The following EYS variants were observed in gnomAD, a reference collection of about 807,000 sequenced individuals.
The protein encoded by EYS is protein eyes shut homolog.
In EYS, 250 loss-of-function variants were observed where a neutral mutation model predicts 282.1. The ratio of observed to expected loss-of-function variants is 0.89; its 90% confidence interval spans 0.80 to 0.98. The LOEUF (loss-of-function observed/expected upper bound fraction) is 0.98, where lower values mean the gene tolerates loss of function less well. Ranked by LOEUF, EYS falls within the 50% of genes least tolerant of loss-of-function variation. EYS has a pLI of 0.00. For missense variants in EYS, 4,016 were observed against 3,709.0 expected (o/e 1.08, Z -2.15); for synonymous variants, 1,355 against 1,282.9 (o/e 1.06, Z -1.20).
chr6:65,613,232 T>A (rs1766064020), intron 2 of EYS, among the ~76,000 whole-genome samples: 1 of 151,828 alleles, frequency 6.6e-6, no homozygotes, highest in African/African-American at 2.4e-5. Flanking sequence ...ATTAGAGGTG[T>A]CTGGAATACA....
intron 22 of EYS, among the ~76,000 whole-genome samples, chr6:64,746,876 G>A (rs929731323): frequency 1.3e-5 from 2 of 152,172 alleles, no homozygotes; most frequent in South Asian, 4.1e-4. Flanking sequence ...TAAGAATTTG[G>A]AAAACTTAAT....
intron 41 of EYS, among the ~76,000 whole-genome samples, chr6:63,750,253 C>T (rs1467145556): frequency 6.6e-6 from 1 of 152,080 alleles, no homozygotes; most frequent in Non-Finnish European, 1.5e-5. Context: ...TATCTGCATT[C>T]GTTAGGGTTG....
chr6:65,299,318 CAT>C (rs1395708365), intron 11 of EYS, among the ~76,000 whole-genome samples: 2 of 152,038 alleles, frequency 1.3e-5, no homozygotes, highest in African/African-American at 2.4e-5. Context: ...CAATAAATAA[CAT>C]ATTTTTAACA....
intron 39 of EYS, chr6:63,786,311 A>G (rs891575905): frequency 2.0e-5 from 3 of 152,148 alleles, no homozygotes; most frequent in Non-Finnish European, 2.9e-5. Context: ...TTGTAATTCT[A>G]AGGACAAATG....
intron 41 of EYS, among the ~76,000 whole-genome samples, chr6:63,735,980 G>GA (rs1768902057): frequency 6.6e-6 from 1 of 152,128 alleles, no homozygotes; most frequent in Non-Finnish European, 1.5e-5. Flanking sequence ...GCTACATAAT[G>GA]TAGACCCGTA....
intron 31 of EYS, among the ~76,000 whole-genome samples, chr6:64,097,506 T>G (rs1772669814): frequency 6.6e-6 from 1 of 152,112 alleles, no homozygotes; most frequent in South Asian, 2.1e-4. Flanking sequence ...CTCAGACTGC[T>G]GTGCTAGCAA....
chr6:65,483,436 G>A (rs185291178), intron 5 of EYS, among the ~76,000 whole-genome samples: 7 of 152,194 alleles, frequency 4.6e-5, no homozygotes. Context: ...CAAGAGCAAT[G>A]AGAACTTGAC....
intron 32 of EYS, among the ~76,000 whole-genome samples, chr6:64,069,197 G>T (rs924710970): frequency 1.3e-5 from 2 of 151,884 alleles, no homozygotes; most frequent in Admixed American, 6.6e-5. Context: ...AACTGTAAAA[G>T]AATAAATTTC....
intron 15 of EYS, among the ~76,000 whole-genome samples, chr6:64,941,731 T>C (rs922089073): frequency 1.3e-5 from 2 of 152,248 alleles, no homozygotes; most frequent in African/African-American, 2.4e-5. Context: ...TGTTTCTGTA[T>C]TAATTCACCT....
At chr6:65,020,870 T>C (rs1249628787) in intron 13 of EYS, among the ~76,000 whole-genome samples, 2 of 152,182 alleles carry the variant, frequency 1.3e-5, no homozygotes, top group Admixed American at 1.3e-4. Context: ...ACATGGAAGC[T>C]GCCAAGGCTT....
intron 12 of EYS, among the ~76,000 whole-genome samples, chr6:65,179,462 G>GA (rs1289456730): frequency 1.3e-5 from 2 of 152,114 alleles, no homozygotes; most frequent in African/African-American, 4.8e-5. Context: ...AAATCTAGAA[G>GA]AAATGGATAA....
chr6:64,924,896 C>T (rs986953686), intron 15 of EYS, among the ~76,000 whole-genome samples: 1 of 152,140 alleles, frequency 6.6e-6, no homozygotes, highest in Non-Finnish European at 1.5e-5. Flanking sequence ...AAAACGTTCC[C>T]ACATTTTCCT....
intron 5 of EYS, among the ~76,000 whole-genome samples, chr6:65,406,485 G>C (rs1322330226): frequency 6.6e-6 from 1 of 151,644 alleles, no homozygotes; most frequent in African/African-American, 2.4e-5. Context: ...CATATAATTG[G>C]TGTCTAATAA....
chr6:65,234,735 A>C lies in EYS; in HGVS notation c.2023+61128T>G, dbSNP rs1766880783. ...TATACTATTTATATTGTCAGTTAGC[A>C]GGCATAAATATGTACAAAGTGTTTG... On this transcript the variant is annotated intron_variant, in intron 12 of 42. Coordinates refer to ENST00000503581, the MANE Select transcript of EYS (RefSeq NM_001142800.2). Among the ~76,000 whole-genome samples the C allele has an allele frequency of 2.0e-5, 3 of 152,210 alleles. No homozygotes were observed. In the South Asian group the frequency reaches 6.2e-4, roughly 31 times the overall value.
chr6:64,686,806 T>TGTATATATATATATAC lies in EYS; in HGVS notation c.3444-60562_3444-60561insGTATATATATATATAC, dbSNP rs1485738775. On this transcript the variant is annotated intron_variant, in intron 22 of 42. Transcript: ENST00000503581. Reference sequence around the variant, plus strand: ...ATATATATGTGTGTATATATATATGTGTGTATATATATATGTGTATATATA... The same window carrying TGTATATATATATATAC: ...ATATATATGTGTGTATATATATATGTGTATATATATATATACGTGTATATATATATGTGTATATATA... 2.9e-4 allele frequency among the ~76,000 whole-genome samples: 18 copies of TGTATATATATATATAC among 61,266 alleles called. 2 individuals carry two copies. Among genetic ancestry groups the TGTATATATATATATAC allele is most frequent in the Admixed American group, 8.0e-4 (5 of 6,286 alleles). 40.2% of individuals were successfully genotyped at this position (61,266 alleles called of 152,430 possible).
chr6:65,540,719 G>C (rs1244871263), intron 2 of EYS, among the ~76,000 whole-genome samples: 1 of 152,072 alleles, frequency 6.6e-6, no homozygotes, highest in Non-Finnish European at 1.5e-5. Flanking sequence ...AGGAGTTCGA[G>C]ACCAGCCTGA....
intron 12 of EYS, among the ~76,000 whole-genome samples, chr6:65,155,597 A>G (rs1435548682): frequency 2.6e-5 from 4 of 151,474 alleles, no homozygotes; most frequent in African/African-American, 9.7e-5. Flanking sequence ...TGGGTTATTA[A>G]CCCTATAAAA....
chr6:64,914,305 C>T (rs1274261751), intron 15 of EYS, among the ~76,000 whole-genome samples: 1 of 152,028 alleles, frequency 6.6e-6, no homozygotes, highest in African/African-American at 2.4e-5. Flanking sequence ...GGTAGATTTC[C>T]AAATCTTGAG....
At chr6:64,331,559 G>A (rs1770647076) in intron 29 of EYS, among the ~76,000 whole-genome samples, 1 of 150,852 alleles carries the variant, frequency 6.6e-6, no homozygotes, top group African/African-American at 2.4e-5. Context: ...GGAGGTTGGT[G>A]GAAGTTCTCA....
Sources: gnomAD v4.1 joint callset for allele counts (sites outside exome capture counted in the v4.1 genomes callset) on GRCh38, gnomAD v4.1.1 for gene constraint, MANE v1.5 for transcripts, NCBI Gene and HGNC (gene_info 2026-07-23, HGNC 2026-07-21) for gene names.